OTUD7B: variants seen among roughly 807,000 people sequenced by gnomAD.
The protein encoded by OTUD7B is OTU domain-containing protein 7B.
In OTUD7B, 34 loss-of-function variants were observed where a neutral mutation model predicts 82.2. The observed-to-expected ratio is 0.41, with a 90% CI of 0.31 to 0.55. OTUD7B has a LOEUF of 0.55. Ranked by LOEUF, OTUD7B falls within the 20% of genes least tolerant of loss-of-function variation. The pLI, the probability that OTUD7B is intolerant of heterozygous loss-of-function variation, is 0.20. For synonymous variants in OTUD7B, 398 were observed against 402.7 expected, an observed-to-expected ratio of 0.99 and a Z score of 0.14; for missense variants, 944 against 1,062.1, an observed-to-expected ratio of 0.89 and a Z score of 1.55.
intron 7 of OTUD7B, among the ~76,000 whole-genome samples, chr1:149,956,780 C>T (rs1418564796): frequency 2.6e-5 from 4 of 152,144 alleles, no homozygotes; most frequent in African/African-American, 4.8e-5. Context: ...TCATTTCATT[C>T]ATTTGATCTT....
intron 1 of OTUD7B, among the ~76,000 whole-genome samples, chr1:150,000,721 G>A (rs886418545): frequency 1.6e-4 from 24 of 152,088 alleles, no homozygotes; most frequent in African/African-American, 5.3e-4. Flanking sequence ...GCTCATGCCT[G>A]TAATCCCAGC....
At chr1:149,960,951 G>C (rs1553775537) in intron 6 of OTUD7B, 1 of 87,020 alleles carries the variant, frequency 1.1e-5, no homozygotes, top group Non-Finnish European at 2.0e-5. Context: ...TTTTGAGACA[G>C]AGTCTCACTC....
rs782679116 is a variant in OTUD7B, at chr1:149,977,396, C to CT, written c.85+29dup. 13 of 1,494,986 alleles carry CT rather than the reference C, an allele frequency of 8.7e-6. No homozygotes were observed. In the South Asian group the frequency reaches 1.2e-4, roughly 14 times the overall value. The allele number at this position is 1,494,986 out of a possible 1,614,324, so 92.6% of individuals were successfully genotyped here. On this transcript the variant is annotated intron_variant, in intron 2 of 11. Transcript: ENST00000581312. ...TGATAAATACCACATTTTACTTTCT[C>CT]TTTTCTCATTCTCCCCTACAACTCC...
At chr1:149,955,740 T>C (rs1321185878) in intron 7 of OTUD7B, among the ~76,000 whole-genome samples, 1 of 152,142 alleles carries the variant, frequency 6.6e-6, no homozygotes, top group Admixed American at 6.5e-5. Flanking sequence ...ATTGGGTGCA[T>C]ATATATTTAA....
At chr1:149,982,148 CTAAATAAA>C (rs587666436) in intron 1 of OTUD7B, among the ~76,000 whole-genome samples, 34 of 150,872 alleles carry the variant, frequency 2.3e-4, no homozygotes, top group South Asian at 6.3e-4. Flanking sequence ...GACTCCATCT[CTAAATAAA>C]TAAATAAATA....
chr1:149,976,476 T>C (rs911181337), intron 2 of OTUD7B, among the ~76,000 whole-genome samples: 1 of 151,658 alleles, frequency 6.6e-6, no homozygotes, highest in Non-Finnish European at 1.5e-5. Context: ...CTGAGTGTGG[T>C]GGTGCATGCC....
At chr1:150,048,390 T>C in the OTUD7B span, 1 of 152,130 alleles carries the variant, frequency 6.6e-6, no homozygotes, top group Non-Finnish European at 1.5e-5. Flanking sequence ...TTTCATACCA[T>C]TGCTAACACA....
intron 1 of OTUD7B, among the ~76,000 whole-genome samples, chr1:149,999,906 A>T (rs1366945464): frequency 6.6e-6 from 1 of 152,202 alleles, no homozygotes; most frequent in Non-Finnish European, 1.5e-5. Context: ...ATTTAAAATG[A>T]CCCTGACTTT....
At chr1:150,018,142 A>C in the OTUD7B span, among the ~76,000 whole-genome samples, 1 of 152,246 alleles carries the variant, frequency 6.6e-6, no homozygotes, top group African/African-American at 2.4e-5. Flanking sequence ...TAGTTTAAAA[A>C]GAGATAAAAT....
chr1:150,055,833 T>C, the OTUD7B span, among the ~76,000 whole-genome samples: 1 of 152,110 alleles, frequency 6.6e-6, no homozygotes. Context: ...AGCTAAATGA[T>C]GAGAACTAAT....
At chr1:150,027,796 G>T in the OTUD7B span, among the ~76,000 whole-genome samples, 220 of 151,390 alleles carry the variant, frequency 1.5e-3, 1 homozygote, top group African/African-American at 5.2e-3. Flanking sequence ...ATTTCCCTAT[G>T]AAATAATTAT....
the OTUD7B span, among the ~76,000 whole-genome samples, chr1:150,023,565 T>C: frequency 3.9e-5 from 6 of 152,180 alleles, no homozygotes; most frequent in Non-Finnish European, 5.9e-5. Flanking sequence ...CTCACTTATA[T>C]GTGGAATCTA....
At chr1:150,031,357 C>T in the OTUD7B span, among the ~76,000 whole-genome samples, 1 of 152,086 alleles carries the variant, frequency 6.6e-6, no homozygotes. Context: ...GTTACTTTCC[C>T]TTCTACTGCC....
intron 5 of OTUD7B, among the ~76,000 whole-genome samples, chr1:149,965,527 G>T (rs1553776378): frequency 6.6e-6 from 1 of 152,138 alleles, no homozygotes; most frequent in South Asian, 2.1e-4. Flanking sequence ...TACTCCTGGG[G>T]TCAGCTTTCA....
Position 149,959,786 on chromosome 1 carries a change from A to T in OTUD7B, c.743T>A (p.Val248Glu). Residue 248 changes from valine to glutamate, a missense_variant, in exon 7 of 12, where the codon GTA (valine) becomes GAA (glutamate). By Grantham distance (121) the Val-to-Glu change is moderately radical. This residue lies in a region of OTUD7B where 530 missense variants were observed against 625.6 expected (regional missense o/e 0.85). Transcript: ENST00000581312. ...QTQQNKESGLVYTEDEWQKEW... is the reference protein window; with the variant it reads ...QTQQNKESGLEYTEDEWQKEW... ...CTTCTGCCATTCATCTTCTGTGTAT[A>T]CCAGCCCTGACTGTGTGAAGGACAG... is the stretch of plus-strand genomic sequence containing the variant. 1.9e-6 allele frequency: 3 copies of T among 1,612,140 alleles called. No homozygotes were observed. Among genetic ancestry groups the T allele is most frequent in the Non-Finnish European group, 2.5e-6 (3 of 1,178,234 alleles).
chr1:149,968,262 C>CAAAAA (rs61307639), intron 3 of OTUD7B, among the ~76,000 whole-genome samples: 1 of 131,194 alleles, frequency 7.6e-6, no homozygotes, highest in Admixed American at 8.1e-5. Context: ...GACCCCGTTT[C>CAAAAA]AAAAAAAAAA....
intron 7 of OTUD7B, among the ~76,000 whole-genome samples, chr1:149,956,057 T>A (rs1648643449): frequency 6.6e-6 from 1 of 152,226 alleles, no homozygotes; most frequent in African/African-American, 2.4e-5. Flanking sequence ...TACTGTTATG[T>A]GTGAATTTGA....
chr1:150,056,272 T>C, the OTUD7B span, among the ~76,000 whole-genome samples: 1 of 152,162 alleles, frequency 6.6e-6, no homozygotes, highest in African/African-American at 2.4e-5. Flanking sequence ...ATAAAAGGGA[T>C]CTTAGCAATT....
chr1:149,950,117 A>C lies in OTUD7B; in HGVS notation c.950T>G (p.Met317Arg). The C allele has an allele frequency of 6.2e-7, 1 of 1,614,084 alleles. No homozygotes were observed. Among genetic ancestry groups the C allele is most frequent in the Non-Finnish European group, 8.5e-7 (1 of 1,180,024 alleles). Residue 317 changes from methionine to arginine, a missense_variant, in exon 8 of 12, where the codon ATG (methionine) becomes AGG (arginine). Met to Arg is a moderately conservative substitution (Grantham distance 91). This residue lies in a region of OTUD7B where 530 missense variants were observed against 625.6 expected (regional missense o/e 0.85). Transcript: ENST00000581312. Reference sequence around the variant, plus strand: ...ACCTTCCCCTCCGGAGTCCCTCAGCATGGTGTCTGCCACGACGACTATGGG... The same window carrying C: ...ACCTTCCCCTCCGGAGTCCCTCAGCCTGGTGTCTGCCACGACGACTATGGG... The part of the protein sequence containing the change: ...RRPIVVVADT[M>R]LRDSGGEAFA...
Sources: allele counts gnomAD v4.1 joint callset (sites outside exome capture counted in the v4.1 genomes callset), GRCh38; gene constraint gnomAD v4.1.1; regional missense constraint gnomAD v4.1.1; transcripts MANE v1.5; gene names NCBI Gene and HGNC (gene_info 2026-07-23, HGNC 2026-07-21).